The following PXDN variants were observed in gnomAD, a reference collection of about 807,000 sequenced individuals.
PXDN encodes peroxidasin homolog.
In PXDN, 77 loss-of-function variants were observed where a neutral mutation model predicts 140.3. The ratio of observed to expected loss-of-function variants is 0.55; its 90% confidence interval spans 0.46 to 0.66. The LOEUF is 0.66. Ranked by LOEUF, PXDN falls within the 30% of genes least tolerant of loss-of-function variation. The pLI, the probability that PXDN is intolerant of heterozygous loss-of-function variation, is 0.00. For missense variants in PXDN, 1,838 were observed against 2,039.5 expected (o/e 0.90, Z 1.90); for synonymous variants, 911 against 857.4 (o/e 1.06, Z -1.09).
intron 1 of PXDN, among the ~76,000 whole-genome samples, chr2:1,696,460 G>T (rs1301827377): frequency 6.6e-6 from 1 of 152,060 alleles, no homozygotes; most frequent in Non-Finnish European, 1.5e-5. Flanking sequence ...CATAAAAAAA[G>T]AACCAAACTG....
rs751257554 is a variant in PXDN at position 1,643,688 on chromosome 2, G to A, written c.3744-112C>T. 195 of 1,067,578 alleles carry A rather than the reference G, an allele frequency of 1.8e-4. 1 individual carries two copies. The highest frequency in any genetic ancestry group is 1.7e-4 in the Non-Finnish European group (121 of 720,212). 66.1% of individuals were successfully genotyped at this position (1,067,578 alleles called of 1,614,324 possible). On this transcript the variant is annotated intron_variant, in intron 18 of 22. Coordinates refer to ENST00000252804, the MANE Select transcript of PXDN (RefSeq NM_012293.3). ...GTTCACAGCAATACAGAAACCACTA[G>A]GTTTGATTAGGTGTCACTTAAAAAT...
chr2:1,694,551 G>A (rs1450125789), intron 1 of PXDN, among the ~76,000 whole-genome samples: 4 of 152,158 alleles, frequency 2.6e-5, no homozygotes, highest in African/African-American at 4.8e-5. Flanking sequence ...ATTCCACGCC[G>A]TGCCCTCGCA....
At chr2:1,662,630 G>T (rs6738870) in intron 12 of PXDN, among the ~76,000 whole-genome samples, 1 of 152,228 alleles carries the variant, frequency 6.6e-6, no homozygotes, top group Non-Finnish European at 1.5e-5. Context: ...TGAAAGAGCA[G>T]GAGCGTGGCT....
At position 1,643,517 on chromosome 2, in the gene PXDN, G is replaced by A. The variant is rs112794633; in HGVS notation, c.3803C>T (p.Thr1268Met). Residue 1268 changes from threonine to methionine, a missense_variant, in exon 19 of 23, where the codon ACG becomes ATG. Physicochemically the swap from Thr to Met is moderately conservative, Grantham distance 81. Transcript: ENST00000252804. ...SPAQLTQIKQ[T>M]SLARILCDNA... is the part of the protein sequence containing the mutation. The stretch of plus-strand genomic sequence containing the variant: ...GTCGCATAGGATCCTGGCCAGCGAC[G>A]TCTGCTTGATCTGAGTCAGCTGGGC... The A allele has an allele frequency of 1.6e-4, 266 of 1,613,954 alleles. No individual in the cohort carries two copies. Among genetic ancestry groups the A allele is most frequent in the Non-Finnish European group, 2.0e-4 (235 of 1,179,906 alleles).
chr2:1,707,762 G>T (rs538554350), intron 1 of PXDN, among the ~76,000 whole-genome samples: 2 of 152,302 alleles, frequency 1.3e-5, no homozygotes, highest in Non-Finnish European at 2.9e-5. Flanking sequence ...GCAGAGGAGG[G>T]ATTCGTACCA....
chr2:1,731,307 C>T (rs1211458985), intron 1 of PXDN, among the ~76,000 whole-genome samples: 5 of 41,116 alleles, frequency 1.2e-4, no homozygotes, highest in African/African-American at 4.7e-4. Context: ...AGCTGACCTC[C>T]GCATCCCAGC....
chr2:1,658,014 A>C (rs1320328647), intron 14 of PXDN, among the ~76,000 whole-genome samples: 5 of 84,738 alleles, frequency 5.9e-5, no homozygotes, highest in Admixed American at 5.1e-4. Context: ...TGAGCACTCC[A>C]TTTCAGCTGT....
At chr2:1,704,261 G>C (rs375560110) in intron 1 of PXDN, among the ~76,000 whole-genome samples, 112 of 7,710 alleles carry the variant, frequency 0.015, no homozygotes, top group South Asian at 0.023. Context: ...CCAGGTGAAG[G>C]GGGGGACAGC....
At chr2:1,669,701 T>C (rs1357683902) in intron 9 of PXDN, 1 of 152,078 alleles carries the variant, frequency 6.6e-6, no homozygotes, top group Non-Finnish European at 1.5e-5. Context: ...TTAGCCAGTA[T>C]GGTGGTGCAC....
At chr2:1,743,632 G>A (rs1685601644) in intron 1 of PXDN, among the ~76,000 whole-genome samples, 1 of 144,166 alleles carries the variant, frequency 6.9e-6, no homozygotes, top group African/African-American at 2.6e-5. Context: ...CGGAGGCTGG[G>A]GGAGGAGAAG....
intron 1 of PXDN, among the ~76,000 whole-genome samples, chr2:1,715,490 C>T (rs1684873642): frequency 6.6e-6 from 1 of 152,220 alleles, no homozygotes; most frequent in Non-Finnish European, 1.5e-5. Context: ...TAAACGCCTT[C>T]CTGTTATGAA....
At chr2:1,717,229 T>C (rs1572188579) in intron 1 of PXDN, among the ~76,000 whole-genome samples, 1 of 152,218 alleles carries the variant, frequency 6.6e-6, no homozygotes, top group African/African-American at 2.4e-5. Context: ...GCTTGGCTGG[T>C]GAATTCTTGG....
At chr2:1,650,346 C>A (rs1444021484) in intron 16 of PXDN, among the ~76,000 whole-genome samples, 1 of 152,220 alleles carries the variant, frequency 6.6e-6, no homozygotes, top group Non-Finnish European at 1.5e-5. Context: ...ACGCCCTCCC[C>A]ACAGCAAGCG....
intron 17 of PXDN, chr2:1,646,192 C>G (rs1341435200): frequency 6.6e-6 from 1 of 152,254 alleles, no homozygotes; most frequent in African/African-American, 2.4e-5. Flanking sequence ...TGTTTCATTT[C>G]CCCTTAGTCA....
chr2:1,718,691 G>A (rs541051588), intron 1 of PXDN, among the ~76,000 whole-genome samples: 9 of 152,362 alleles, frequency 5.9e-5, no homozygotes, highest in Non-Finnish European at 8.8e-5. Context: ...CAGCAAACAC[G>A]GGGTGACGCG....
chr2:1,643,456 C>T lies in PXDN; in HGVS notation c.3864G>A (p.Val1288=), dbSNP rs1243977657. The T allele has an allele frequency of 1.2e-6, 2 of 1,613,996 alleles. No homozygotes were observed. Among genetic ancestry groups the T allele is most frequent in the Non-Finnish European group, 8.5e-7 (1 of 1,179,904 alleles). ...CGTGAGGGAACTCCGCCACCCTGAA[C>T]ACGTCGCTCTGCACCCGGGTGATGT... ...ADNITRVQSD[V]FRVAEFPHGY... Residue 1288 remains valine, a synonymous_variant, in exon 19 of 23, where the codon GTG becomes GTA. Transcript: ENST00000252804.
At chr2:1,678,872 G>C (rs764297464) in intron 7 of PXDN, among the ~76,000 whole-genome samples, 29 of 152,190 alleles carry the variant, frequency 1.9e-4, no homozygotes, top group Non-Finnish European at 1.5e-4. Context: ...ACAGGGGTCT[G>C]GGCCTCTCTT....
At chr2:1,720,988 C>A (rs1685037032) in intron 1 of PXDN, among the ~76,000 whole-genome samples, 1 of 152,198 alleles carries the variant, frequency 6.6e-6, no homozygotes. Flanking sequence ...CCCTCCTGCT[C>A]CGGGGAGGTC....
intron 1 of PXDN, among the ~76,000 whole-genome samples, chr2:1,726,646 T>G (rs1364979329): frequency 6.6e-6 from 1 of 152,184 alleles, no homozygotes; most frequent in Non-Finnish European, 1.5e-5. Context: ...CTTGTTTGTT[T>G]TTTGTTTGTT....
Sources: gnomAD v4.1 joint callset for allele counts (sites outside exome capture counted in the v4.1 genomes callset) on GRCh38, gnomAD v4.1.1 for gene constraint, MANE v1.5 for transcripts, NCBI Gene and HGNC (gene_info 2026-07-23, HGNC 2026-07-21) for gene names.